Variants in DMXL1 observed in about 807,000 individuals in gnomAD.
The protein encoded by DMXL1 is Dmx like 1, also known as dmX-like protein 1.
Under a neutral mutation model 319.2 loss-of-function variants are expected in DMXL1, and 99 were observed. The ratio of observed to expected loss-of-function variants is 0.31; its 90% CI spans 0.26 to 0.37. The LOEUF (loss-of-function observed/expected upper bound fraction) is 0.37. DMXL1 is among the 10% of genes least tolerant of loss of function. DMXL1 has a pLI of 1.00. For synonymous variants in DMXL1, 1,385 were observed against 1,235.2 expected, an observed-to-expected ratio of 1.12 and a Z score of -2.54; for missense variants, 3,745 against 3,595.6, an observed-to-expected ratio of 1.04 and a Z score of -1.06.
chr5:119,193,838 C>A lies in DMXL1; in HGVS notation c.7325C>A (p.Pro2442His). ...WDYFIAKPFL[P>H]SSQSRAEYDS... ...ATTTCTTTATTTTAGCCTTTTCTAC[C>A]CTCTTCTCAAAGTAGAGCCGAATAT... is the stretch of plus-strand genomic sequence containing the variant. The change falls in exon 30 of 44, where the codon CCC becomes CAC. Residue 2442 changes from proline (P) to histidine (H), a missense_variant. By Grantham distance (77) the Pro-to-His change is moderately conservative. This residue lies in a region of DMXL1 where 1,382 missense variants were observed against 1,269.5 expected (regional missense o/e 1.09). Transcript: ENST00000539542. 1 of 1,611,716 alleles carries A rather than the reference C, an allele frequency of 6.2e-7. No individual in the cohort carries two copies. Among genetic ancestry groups the A allele is most frequent in the Non-Finnish European group, 8.5e-7 (1 of 1,179,256 alleles).
intron 42 of DMXL1, among the ~76,000 whole-genome samples, chr5:119,243,879 A>G (rs900671779): frequency 2.0e-5 from 3 of 152,140 alleles, no homozygotes; most frequent in African/African-American, 2.4e-5. Context: ...AGCATTGTGA[A>G]TTTTACTTCA....
intron 19 of DMXL1, among the ~76,000 whole-genome samples, chr5:119,160,345 A>T (rs1278847428): frequency 6.6e-6 from 1 of 152,162 alleles, no homozygotes; most frequent in Non-Finnish European, 1.5e-5. Context: ...TGACTTTTCC[A>T]AGATTTCTCC....
chr5:119,234,405 C>T (rs1787341487), intron 39 of DMXL1, among the ~76,000 whole-genome samples: 2 of 152,144 alleles, frequency 1.3e-5, no homozygotes, highest in African/African-American at 2.4e-5. Flanking sequence ...GATGGTTCAC[C>T]TTGCCTTTTC....
intron 1 of DMXL1, among the ~76,000 whole-genome samples, chr5:119,088,923 A>T (rs1753964338): frequency 6.6e-6 from 1 of 152,080 alleles, no homozygotes; most frequent in Admixed American, 6.6e-5. Flanking sequence ...CCACAATTAC[A>T]GTATTCTTCT....
rs1784550128 is a variant in DMXL1 at position 119,220,968 on chromosome 5, C to T, written c.8164C>T (p.Arg2722Cys). 1.9e-6 allele frequency: 3 copies of T among 1,613,386 alleles called. No homozygotes were observed. The highest frequency in any genetic ancestry group is 1.3e-5 in the African/African-American group (1 of 75,020). The change falls in exon 37 of 44, where the codon CGT (arginine) becomes TGT (cysteine). Residue 2722 changes from arginine (R) to cysteine (C), a missense_variant. This residue lies in a region of DMXL1 where 1,382 missense variants were observed against 1,269.5 expected (regional missense o/e 1.09). Transcript: ENST00000539542. ...GSEDFLVIHA[R>C]DDLTAVQGTT... ...AGAAGATTTCTTGGTTATACATGCT[C>T]GTGATGATTTAACAGCTGTTCAAGG...
At chr5:119,102,250 A>G in intron 3 of DMXL1, 1 of 296,860 alleles carries the variant, frequency 3.4e-6, no homozygotes, top group Non-Finnish European at 6.2e-6. Context: ...TTAATTTTAT[A>G]ATATTTCAAG....
intron 35 of DMXL1, among the ~76,000 whole-genome samples, chr5:119,218,701 C>G (rs560101602): frequency 6.6e-6 from 1 of 152,150 alleles, no homozygotes; most frequent in Non-Finnish European, 1.5e-5. Context: ...CCTCGTGATC[C>G]GCCTGCCTCG....
At chr5:119,238,735 G>A in intron 40 of DMXL1, 1 of 184,572 alleles carries the variant, frequency 5.4e-6, no homozygotes, top group Non-Finnish European at 1.0e-5. Context: ...GTATGCGTGG[G>A]TGTCTACAAA....
intron 1 of DMXL1, among the ~76,000 whole-genome samples, chr5:119,086,490 A>G (rs1471263645): frequency 1.3e-5 from 2 of 152,128 alleles, no homozygotes; most frequent in African/African-American, 2.4e-5. Flanking sequence ...CATGTGTGAT[A>G]TGGGCTTGTA....
intron 35 of DMXL1, among the ~76,000 whole-genome samples, chr5:119,220,161 C>G (rs1168999572): frequency 2.6e-5 from 4 of 152,130 alleles, no homozygotes; most frequent in Non-Finnish European, 1.5e-5. Context: ...TCTTCCTCCA[C>G]ATTTCTGAAT....
At chr5:119,076,697 AT>A (rs2149669600) in intron 1 of DMXL1, among the ~76,000 whole-genome samples, 3 of 152,350 alleles carry the variant, frequency 2.0e-5, no homozygotes, top group African/African-American at 7.2e-5. Context: ...AATAGGACAT[AT>A]ACCAGAAAGG....
chr5:119,217,522 T>C (rs984122090), intron 35 of DMXL1, among the ~76,000 whole-genome samples: 10 of 152,194 alleles, frequency 6.6e-5, no homozygotes, highest in Admixed American at 2.0e-4. Flanking sequence ...ATCTGTCTTA[T>C]TAATCATTTT....
intron 8 of DMXL1, 97 bp from the exon 9 acceptor site, chr5:119,120,874 T>C: frequency 1.0e-6 from 1 of 966,084 alleles, no homozygotes; most frequent in Non-Finnish European, 1.4e-6. Flanking sequence ...TAAAATGTTC[T>C]GAGCTAGGAT....
chr5:119,245,956 C>G (rs1789680512), intron 43 of DMXL1, among the ~76,000 whole-genome samples: 1 of 151,272 alleles, frequency 6.6e-6, no homozygotes, highest in Admixed American at 6.6e-5. Context: ...TTAACAAATT[C>G]ATATGCAGGG....
At chr5:119,147,896 G>A (rs891703888) in intron 17 of DMXL1, among the ~76,000 whole-genome samples, 5 of 152,160 alleles carry the variant, frequency 3.3e-5, no homozygotes, top group African/African-American at 7.2e-5. Flanking sequence ...CAGCATCAGC[G>A]TCCTGGAAAC....
chr5:119,202,282 A>G (rs768057294), intron 32 of DMXL1, among the ~76,000 whole-genome samples: 19 of 152,226 alleles, frequency 1.2e-4, no homozygotes, highest in Middle Eastern at 3.4e-3. Context: ...CTTTTGTTAG[A>G]TCCTATGGCC....
chr5:119,125,629 A>G (rs1226326063), intron 9 of DMXL1, among the ~76,000 whole-genome samples: 1 of 151,308 alleles, frequency 6.6e-6, no homozygotes, highest in African/African-American at 2.4e-5. Flanking sequence ...CAATGGTGTG[A>G]TCTCGGCTCA....
intron 19 of DMXL1, among the ~76,000 whole-genome samples, chr5:119,155,132 A>T (rs1242773628): frequency 6.6e-6 from 1 of 152,254 alleles, no homozygotes; most frequent in Non-Finnish European, 1.5e-5. Context: ...ATGCAGGTGT[A>T]CAAGGAGATT....
intron 34 of DMXL1, among the ~76,000 whole-genome samples, chr5:119,211,449 G>A (rs920868557): frequency 6.6e-6 from 1 of 152,162 alleles, no homozygotes; most frequent in African/African-American, 2.4e-5. Context: ...GGTAGTACAT[G>A]TCTTTCAAGA....
Sources: allele counts gnomAD v4.1 joint callset (sites outside exome capture counted in the v4.1 genomes callset), GRCh38; gene constraint gnomAD v4.1.1; regional missense constraint gnomAD v4.1.1; transcripts MANE v1.5; gene names NCBI Gene and HGNC (gene_info 2026-07-23, HGNC 2026-07-21).